Variants in ANKRD52 observed in about 807,000 individuals in gnomAD.
ANKRD52 encodes serine/threonine-protein phosphatase 6 regulatory ankyrin repeat subunit C.
A neutral mutation model predicts 116.0 loss-of-function variants in ANKRD52; 7 were observed. The observed-to-expected ratio is 0.06, with a 90% CI of 0.03 to 0.11. The LOEUF is 0.11. Ranked by LOEUF, ANKRD52 falls within the 10% of genes least tolerant of loss-of-function variation. The probability of loss-of-function intolerance (pLI) is 1.00; values close to 1 mark genes in which losing one functional copy is unlikely to be tolerated. For synonymous variants in ANKRD52, 528 were observed against 578.1 expected, an observed-to-expected ratio of 0.91 and a Z score of 1.24; for missense variants, 839 against 1,408.6, an observed-to-expected ratio of 0.60 and a Z score of 6.47.
intron 4 of ANKRD52, among the ~76,000 whole-genome samples, chr12:56,256,452 GCTAAAATGCCCCTC>G (rs1187672139): frequency 6.6e-6 from 1 of 152,184 alleles, no homozygotes; most frequent in Non-Finnish European, 1.5e-5. Flanking sequence ...CAAAACCCGA[GCTAAAATGCCCCTC>G]CTAACCACCA....
At chr12:56,257,251 A>G (rs752825729) in intron 3 of ANKRD52, 32 bp downstream of exon 3, 6 of 1,571,924 alleles carry the variant, frequency 3.8e-6, no homozygotes, top group Admixed American at 3.7e-5. Context: ...TTCGCTCCCT[A>G]TGTGCCACAC....
rs1160375406 is a variant in ANKRD52, at chr12:56,248,721, CCT to C, written c.1704+36_1704+37del. On this transcript the variant is annotated intron_variant, in intron 16 of 27. Coordinates refer to ENST00000267116, the MANE Select transcript of ANKRD52 (RefSeq NM_173595.4). The surrounding 1 kb of genome is among the most constrained non-coding windows in gnomAD (Gnocchi z 5.1). ...GAATCCACAAACCCTGTGCCCTGCC[CCT>C]GCCTCCCCTCCTGCAGGCCGGGCCC... 5 of 1,560,802 alleles carry C rather than the reference CCT, an allele frequency of 3.2e-6. No individual in the cohort carries two copies. The Admixed American group carries it at 9.1e-5, about 29-fold the overall frequency.
chr12:56,245,593 C>T lies in ANKRD52; in HGVS notation c.2188G>A (p.Val730Met), dbSNP rs552207087. 1 of 1,604,966 alleles carries T rather than the reference C, an allele frequency of 6.2e-7. No homozygotes were observed. Among genetic ancestry groups the T allele is most frequent in the Middle Eastern group, 1.7e-4 (1 of 6,028 alleles). ...GCCAGGCAGTCCTCACAGCCAGTCA[C>T]TGCCTGTGAGTAACATGGGGGTGTG... ...RGRTALHRGA[V>M]TGCEDCLAAL... Residue 730 changes from valine to methionine, a missense_variant, in exon 21 of 28, where the codon GTG (valine) becomes ATG (methionine). By Grantham distance (21) the Val-to-Met change is conservative (BLOSUM62 1). This residue lies in a region of ANKRD52 where 552 missense variants were observed against 810.6 expected (regional missense o/e 0.68). Transcript: ENST00000267116.
In ANKRD52 at chr12:56,241,987, A is replaced by G; in HGVS notation, c.*1155T>C. ...GAGCTTCTTCCTCACACTGGAGGGGAAGCCTGGGTCCCGAGTAGCCACGGT... is the reference window on the plus strand; with the variant it reads ...GAGCTTCTTCCTCACACTGGAGGGGGAGCCTGGGTCCCGAGTAGCCACGGT... On this transcript the variant is annotated 3_prime_UTR_variant, in exon 28 of 28. Transcript: ENST00000267116. 1 of 398,522 alleles carries G rather than the reference A, an allele frequency of 2.5e-6. No individual in the cohort carries two copies. Among genetic ancestry groups the G allele is most frequent in the Non-Finnish European group, 4.4e-6 (1 of 226,066 alleles). 24.7% of individuals were successfully genotyped at this position (398,522 alleles called of 1,614,324 possible). A position where few individuals can be genotyped will look rare whatever the true frequency, so the allele number is the denominator to read the frequency against.
In ANKRD52 at chr12:56,244,095, G is replaced by A. The variant is rs1441388712; in HGVS notation, c.2844C>T (p.Thr948=). 1.9e-6 allele frequency: 3 copies of A among 1,613,866 alleles called. No individual in the cohort carries two copies. Among genetic ancestry groups the A allele is most frequent in the Non-Finnish European group, 1.7e-6 (2 of 1,179,900 alleles). Residue 948 remains threonine (T), a synonymous_variant, in exon 26 of 28, where the codon ACC becomes ACT. Coordinates refer to ENST00000267116, the MANE Select transcript of ANKRD52 (RefSeq NM_173595.4). The surrounding 1 kb of genome is among the most constrained non-coding windows in gnomAD (Gnocchi z 4.9). ...EKCALMILAE[T]QDLGLINATN... ...TAGCATTGATAAGGCCAAGGTCTTG[G>A]GTTTCTGCCAGGATCATGAGGGCAC...
At position 56,243,058 on chromosome 12, in the gene ANKRD52, T is replaced by C. The variant is rs1040608858; in HGVS notation, c.*84A>G. 5 of 1,454,402 alleles carry C rather than the reference T, an allele frequency of 3.4e-6. No individual in the cohort carries two copies. The African/African-American group carries it at 7.1e-5, about 21-fold the overall frequency. The allele number at this position is 1,454,402 out of a possible 1,614,324, so 90.1% of individuals were successfully genotyped here. On this transcript the variant is annotated 3_prime_UTR_variant, in exon 28 of 28. Transcript: ENST00000267116. This position sits in a 1 kb window ranked among gnomAD's most constrained non-coding sequence, Gnocchi z 4.6. The stretch of plus-strand genomic sequence containing the variant: ...CCCTCCACCCAGTCGTGTTCTCCTT[T>C]AAAGTGCCCTAAATGTTTAGACTTT...
Position 56,258,312 on chromosome 12 carries a change from C to A in ANKRD52, c.-43G>T, listed in dbSNP as rs1224575422. On this transcript the variant is annotated 5_prime_UTR_variant, in exon 1 of 28. Coordinates refer to ENST00000267116, the MANE Select transcript of ANKRD52 (RefSeq NM_173595.4). ...GTCCGCATCGAGCTCCCGGCGGCGG[C>A]GGCGGCGGCTCCACCGGGGACACGG... 6.6e-7 allele frequency: 1 copy of A among 1,519,750 alleles called. No individual in the cohort carries two copies. Among genetic ancestry groups the A allele is most frequent in the Admixed American group, 2.1e-5 (1 of 48,272 alleles). The allele number at this position is 1,519,750 out of a possible 1,614,324, so 94.1% of individuals were successfully genotyped here.
chr12:56,255,640 T>A lies in ANKRD52; in HGVS notation c.462+144A>T, dbSNP rs1592395685. ...AAGAATTTTAATCTAGTCTGACCAT[T>A]CATTTAGTGCTTCAGCTTAAGTGTT... On this transcript the variant is annotated intron_variant, in intron 5 of 27. Coordinates refer to ENST00000267116, the MANE Select transcript of ANKRD52 (RefSeq NM_173595.4). The surrounding 1 kb of genome is among the most constrained non-coding windows in gnomAD (Gnocchi z 4.3). The A allele has an allele frequency of 2.8e-6, 2 of 709,264 alleles. No homozygotes were observed. The highest frequency in any genetic ancestry group is 5.5e-5 in the East Asian group (2 of 36,536). The allele number at this position is 709,264 out of a possible 1,614,324, so 43.9% of individuals were successfully genotyped here.
At position 56,248,634 on chromosome 12, in the gene ANKRD52, C is replaced by T. The variant is rs759902523; in HGVS notation, c.1705-68G>A. ...CAAGATAGTACCCCAGTCCCCGACTCGCAGTAATCCCCACTAAGCCTCTGG... is the reference window on the plus strand; with the variant it reads ...CAAGATAGTACCCCAGTCCCCGACTTGCAGTAATCCCCACTAAGCCTCTGG... On this transcript the variant is annotated intron_variant, in intron 16 of 27. Coordinates refer to ENST00000267116, the MANE Select transcript of ANKRD52 (RefSeq NM_173595.4). This position sits in a 1 kb window ranked among gnomAD's most constrained non-coding sequence, Gnocchi z 5.1. 1.5e-5 allele frequency: 22 copies of T among 1,502,238 alleles called. No homozygotes were observed. The Middle Eastern group carries it at 5.1e-4, about 35-fold the overall frequency. The allele number at this position is 1,502,238 out of a possible 1,614,324, so 93.1% of individuals were successfully genotyped here. A position where few individuals can be genotyped will look rare whatever the true frequency, so the allele number is the denominator to read the frequency against.
chr12:56,242,778 G>A lies in ANKRD52; in HGVS notation c.*364C>T. ...GATCTGCCTGGCAGTAGGGGCAGGG[G>A]AGAAGGGGGACACAGAGAGGAGTCC... On this transcript the variant is annotated 3_prime_UTR_variant, in exon 28 of 28. Transcript: ENST00000267116. This position sits in a 1 kb window ranked among gnomAD's most constrained non-coding sequence, Gnocchi z 4.3. The A allele has an allele frequency of 7.7e-6, 2 of 260,694 alleles. No individual in the cohort carries two copies. Among genetic ancestry groups the A allele is most frequent in the South Asian group, 1.5e-4 (2 of 13,336 alleles). 16.1% of individuals were successfully genotyped at this position (260,694 alleles called of 1,614,324 possible).
chr12:56,254,763 T>C lies in ANKRD52; in HGVS notation c.551-43A>G, dbSNP rs1871867321. ...ACTCTAAAGGAAGTAGAAGGTAAACTCTAAGACCCTACACTCCTCTCTTCA... is the reference window on the plus strand; with the variant it reads ...ACTCTAAAGGAAGTAGAAGGTAAACCCTAAGACCCTACACTCCTCTCTTCA... On this transcript the variant is annotated intron_variant, in intron 6 of 27. Coordinates refer to ENST00000267116, the MANE Select transcript of ANKRD52 (RefSeq NM_173595.4). The surrounding 1 kb of genome is among the most constrained non-coding windows in gnomAD (Gnocchi z 4.6). The C allele has an allele frequency of 6.2e-7, 1 of 1,600,908 alleles. No homozygotes were observed. The highest frequency in any genetic ancestry group is 8.6e-7 in the Non-Finnish European group (1 of 1,169,418).
In ANKRD52 at chr12:56,255,655, G is replaced by T; in HGVS notation, c.462+129C>A. 1 of 793,134 alleles carries T rather than the reference G, an allele frequency of 1.3e-6. No homozygotes were observed. Among genetic ancestry groups the T allele is most frequent in the Non-Finnish European group, 2.0e-6 (1 of 501,602 alleles). The allele number at this position is 793,134 out of a possible 1,614,324, so 49.1% of individuals were successfully genotyped here. A position where few individuals can be genotyped will look rare whatever the true frequency, so the allele number is the denominator to read the frequency against. ...GTCTGACCATTCATTTAGTGCTTCA[G>T]CTTAAGTGTTTATATAACCATCCGG... is the stretch of plus-strand genomic sequence containing the variant. On this transcript the variant is annotated intron_variant, in intron 5 of 27. Coordinates refer to ENST00000267116, the MANE Select transcript of ANKRD52 (RefSeq NM_173595.4). The surrounding 1 kb of genome is among the most constrained non-coding windows in gnomAD (Gnocchi z 4.3).
In ANKRD52 at chr12:56,237,904, G is replaced by A; in HGVS notation, c.*5238C>T. 3.6e-6 allele frequency: 3 copies of A among 831,828 alleles called. No individual in the cohort carries two copies. The highest frequency in any genetic ancestry group is 5.2e-6 in the Non-Finnish European group (3 of 573,244). The allele number at this position is 831,828 out of a possible 1,614,324, so 51.5% of individuals were successfully genotyped here. On this transcript the variant is annotated 3_prime_UTR_variant, in exon 28 of 28. Coordinates refer to ENST00000267116, the MANE Select transcript of ANKRD52 (RefSeq NM_173595.4). Reference sequence around the variant, plus strand: ...ACAGCATAGAAAACCAGAGTGTGGTGGGAGGACCCGAAGCCGGTTGGGGGA... The same window carrying A: ...ACAGCATAGAAAACCAGAGTGTGGTAGGAGGACCCGAAGCCGGTTGGGGGA...
In ANKRD52 at chr12:56,244,029, G is replaced by A. The variant is rs768662920; in HGVS notation, c.2888+22C>T. ...ACCCACTGGCCTCCCCCAGCCAGGA[G>A]CCCCCTTCCCCAGGCACTCACATCT... On this transcript the variant is annotated intron_variant, in intron 26 of 27. Coordinates refer to ENST00000267116, the MANE Select transcript of ANKRD52 (RefSeq NM_173595.4). This position sits in a 1 kb window ranked among gnomAD's most constrained non-coding sequence, Gnocchi z 4.9. 5 of 1,613,098 alleles carry A rather than the reference G, an allele frequency of 3.1e-6. No homozygotes were observed. The South Asian group carries it at 4.4e-5, about 14-fold the overall frequency.
chr12:56,247,430 G>T, intron 20 of ANKRD52, 63 bp downstream of exon 20: 1 of 1,349,866 alleles, frequency 7.4e-7, no homozygotes, highest in Non-Finnish European at 1.0e-6. Context: ...CCTACTGCTG[G>T]TGAGTCCCAT....
In ANKRD52 at chr12:56,243,191, C is replaced by G. The variant is rs59626664; in HGVS notation, c.3182G>C (p.Ser1061Thr). The G allele has an allele frequency of 0.058, 94,173 of 1,612,016 alleles. 3,155 individuals carry two copies. The highest frequency in any genetic ancestry group is 0.067 in the Non-Finnish European group (78,665 of 1,179,066). Reference protein sequence around the residue: ...ALPHGASCPYSQERPGAIGLD... With the variant: ...ALPHGASCPYTQERPGAIGLD... ...CCCAATGGCGCCGGGCCGCTCCTGGCTGTAGGGGCAGGAGGCCCCATGGGG... is the reference window on the plus strand; with the variant it reads ...CCCAATGGCGCCGGGCCGCTCCTGGGTGTAGGGGCAGGAGGCCCCATGGGG... The change falls in exon 28 of 28, where the codon AGC (serine) becomes ACC (threonine). Residue 1061 changes from serine (S) to threonine (T), a missense_variant. Ser to Thr is a moderately conservative substitution (Grantham distance 58, BLOSUM62 1). Coordinates refer to ENST00000267116, the MANE Select transcript of ANKRD52 (RefSeq NM_173595.4). This position sits in a 1 kb window ranked among gnomAD's most constrained non-coding sequence, Gnocchi z 4.6.
At chr12:56,251,856 C>T (rs964958620) in intron 15 of ANKRD52, among the ~76,000 whole-genome samples, 159 bp downstream of exon 15, 1 of 151,838 alleles carries the variant, frequency 6.6e-6, no homozygotes. Context: ...TGTCTTTGCC[C>T]ACTATGGACT....
In ANKRD52 at chr12:56,258,257, T is replaced by C; in HGVS notation, c.13A>G (p.Ser5Gly). The C allele has an allele frequency of 6.3e-7, 1 of 1,599,220 alleles. No individual in the cohort carries two copies. The highest frequency in any genetic ancestry group is 8.5e-7 in the Non-Finnish European group (1 of 1,174,386). The change falls in exon 1 of 28, where the codon AGC becomes GGC. Residue 5 changes from serine (S) to glycine (G), a missense_variant. Physicochemically the swap from Ser to Gly is moderately conservative, Grantham distance 56. Coordinates refer to ENST00000267116, the MANE Select transcript of ANKRD52 (RefSeq NM_173595.4). ...GGAGGGCTGACCTGGTCCGTGATGCTGAGGATCCCCATGGCTCGGCCCGGG... is the reference window on the plus strand; with the variant it reads ...GGAGGGCTGACCTGGTCCGTGATGCCGAGGATCCCCATGGCTCGGCCCGGG... MGILSITDQPPLVQA... is the reference protein window; with the variant it reads MGILGITDQPPLVQA...
At position 56,254,762 on chromosome 12, in the gene ANKRD52, C is replaced by G; in HGVS notation, c.551-42G>C. The G allele has an allele frequency of 6.2e-7, 1 of 1,601,040 alleles. No homozygotes were observed. Reference sequence around the variant, plus strand: ...CACTCTAAAGGAAGTAGAAGGTAAACTCTAAGACCCTACACTCCTCTCTTC... The same window carrying G: ...CACTCTAAAGGAAGTAGAAGGTAAAGTCTAAGACCCTACACTCCTCTCTTC... On this transcript the variant is annotated intron_variant, in intron 6 of 27. Transcript: ENST00000267116. The surrounding 1 kb of genome is among the most constrained non-coding windows in gnomAD (Gnocchi z 4.6).
Sources: allele counts gnomAD v4.1 joint callset (sites outside exome capture counted in the v4.1 genomes callset), GRCh38; gene constraint gnomAD v4.1.1; regional missense constraint gnomAD v4.1.1; non-coding constraint Gnocchi (gnomAD v3.1); transcripts MANE v1.5; gene names NCBI Gene and HGNC (gene_info 2026-07-23, HGNC 2026-07-21).